MYO16: variants seen among roughly 807,000 people sequenced by gnomAD.
The protein encoded by MYO16 is unconventional myosin-XVI.
In MYO16, 94 loss-of-function variants were observed where a neutral mutation model predicts 205.3. The observed-to-expected ratio is 0.46, with a 90% CI of 0.39 to 0.54. The LOEUF (loss-of-function observed/expected upper bound fraction) is 0.54. MYO16 is among the 20% of genes least tolerant of loss of function. The probability of loss-of-function intolerance (pLI) is 0.00; values close to 1 mark genes in which losing one functional copy is unlikely to be tolerated. For missense variants in MYO16, 2,315 were observed against 2,387.5 expected, an observed-to-expected ratio of 0.97 and a Z score of 0.63; for synonymous variants, 988 against 954.0, an observed-to-expected ratio of 1.04 and a Z score of -0.66.
intron 9 of MYO16, among the ~76,000 whole-genome samples, chr13:108,838,729 CTATA>C (rs1188958096): frequency 1.0e-4 from 14 of 135,550 alleles, no homozygotes; most frequent in African/African-American, 3.9e-4. Context: ...TACACGCACA[CTATA>C]TATATACACT....
At chr13:109,020,224 A>G (rs1885975468) in intron 23 of MYO16, among the ~76,000 whole-genome samples, 3 of 152,208 alleles carry the variant, frequency 2.0e-5, no homozygotes, top group African/African-American at 7.2e-5. Flanking sequence ...CATAATACAG[A>G]TGAACATTGG....
chr13:108,576,924 C>T, the MYO16 span, among the ~76,000 whole-genome samples: 1 of 152,122 alleles, frequency 6.6e-6, no homozygotes, highest in African/African-American at 2.4e-5. Flanking sequence ...CCACATCTGG[C>T]TAATTTTAAA....
intron 3 of MYO16, among the ~76,000 whole-genome samples, chr13:108,722,152 T>A (rs774892446): frequency 1.2e-4 from 19 of 152,144 alleles, no homozygotes; most frequent in Non-Finnish European, 2.4e-4. Flanking sequence ...CAGCAGGAGC[T>A]TGGGGACCTG....
intron 22 of MYO16, among the ~76,000 whole-genome samples, chr13:109,013,538 C>T (rs1885693328): frequency 6.6e-6 from 1 of 152,160 alleles, no homozygotes; most frequent in Admixed American, 6.5e-5. Flanking sequence ...GAGGGATCAC[C>T]ACACTGTCTT....
At chr13:108,573,145 T>A in the MYO16 span, among the ~76,000 whole-genome samples, 1 of 152,146 alleles carries the variant, frequency 6.6e-6, no homozygotes, top group Admixed American at 6.5e-5. Context: ...CACGGCCAAG[T>A]GTAAAACGCC....
chr13:109,175,840 C>T (rs1280526819), intron 33 of MYO16, among the ~76,000 whole-genome samples: 1 of 151,178 alleles, frequency 6.6e-6, no homozygotes, highest in African/African-American at 2.5e-5. Flanking sequence ...GGAGTCTTCA[C>T]CCTGGTTAAA....
chr13:108,853,954 T>TTGTGGGTG (rs1555305769), intron 10 of MYO16, among the ~76,000 whole-genome samples: 14 of 138,498 alleles, frequency 1.0e-4, no homozygotes, highest in African/African-American at 3.7e-4. Flanking sequence ...GTTTCTATTA[T>TTGTGGGTG]TGTGTGTGTG....
chr13:108,860,416 G>A (rs955314861), intron 11 of MYO16, among the ~76,000 whole-genome samples: 1 of 152,056 alleles, frequency 6.6e-6, no homozygotes, highest in Non-Finnish European at 1.5e-5. Flanking sequence ...GTCATTTATG[G>A]GCATTGAAAT....
At chr13:108,798,593 T>A (rs1886862101) in intron 6 of MYO16, among the ~76,000 whole-genome samples, 1 of 152,020 alleles carries the variant, frequency 6.6e-6, no homozygotes, top group South Asian at 2.1e-4. Context: ...AAAATATTAA[T>A]GCGATAACTG....
At chr13:108,940,279 T>C (rs1400699491) in intron 16 of MYO16, among the ~76,000 whole-genome samples, 1 of 152,154 alleles carries the variant, frequency 6.6e-6, no homozygotes, top group African/African-American at 2.4e-5. Context: ...TATTTTGGCC[T>C]ATGTTGCCCA....
intron 4 of MYO16, among the ~76,000 whole-genome samples, chr13:108,751,661 A>C (rs1885242200): frequency 6.6e-6 from 1 of 152,136 alleles, no homozygotes; most frequent in Admixed American, 6.6e-5. Flanking sequence ...TACGTCAGTC[A>C]AGTCTCAAGA....
intron 2 of MYO16, among the ~76,000 whole-genome samples, chr13:108,683,154 A>G (rs1248266022): frequency 6.6e-6 from 1 of 152,172 alleles, no homozygotes; most frequent in East Asian, 1.9e-4. Flanking sequence ...TCTCTTCTGT[A>G]CGCCTACAGG....
intron 4 of MYO16, among the ~76,000 whole-genome samples, chr13:108,765,813 T>C (rs913052367): frequency 1.3e-5 from 2 of 152,176 alleles, no homozygotes; most frequent in African/African-American, 2.4e-5. Flanking sequence ...GTTTTGTTAT[T>C]TCGTGTGGCA....
At chr13:109,107,720 G>T (rs1244288797) in intron 28 of MYO16, among the ~76,000 whole-genome samples, 1 of 151,052 alleles carries the variant, frequency 6.6e-6, no homozygotes, top group African/African-American at 2.4e-5. Flanking sequence ...TCCTTCTCTG[G>T]AATTATAAAT....
intron 1 of MYO16, among the ~76,000 whole-genome samples, chr13:108,608,568 TACAC>T (rs1187844522): frequency 2.0e-5 from 3 of 152,102 alleles, no homozygotes; most frequent in Non-Finnish European, 2.9e-5. Context: ...ACATAATAAA[TACAC>T]ACACGCATAC....
intron 20 of MYO16, among the ~76,000 whole-genome samples, chr13:108,965,764 C>T (rs2139376363): frequency 6.6e-6 from 1 of 152,258 alleles, no homozygotes; most frequent in East Asian, 1.9e-4. Flanking sequence ...AATTATATCT[C>T]TCCATTACAT....
At chr13:108,794,761 G>C (rs1269473509) in intron 6 of MYO16, among the ~76,000 whole-genome samples, 1 of 152,024 alleles carries the variant, frequency 6.6e-6, no homozygotes, top group Non-Finnish European at 1.5e-5. Context: ...TAAGACCCAG[G>C]GGAAAAAAAT....
At chr13:108,505,719 G>T in the MYO16 span, among the ~76,000 whole-genome samples, 2 of 151,748 alleles carry the variant, frequency 1.3e-5, no homozygotes, top group Non-Finnish European at 2.9e-5. Flanking sequence ...CTGTGCTTTT[G>T]GTGTCATCAA....
At chr13:108,553,253 A>T in the MYO16 span, among the ~76,000 whole-genome samples, 2 of 151,728 alleles carry the variant, frequency 1.3e-5, no homozygotes, top group Non-Finnish European at 2.9e-5. Flanking sequence ...AACCTCCCAA[A>T]GTGCTGGGAT....
Sources: gnomAD v4.1 joint callset for allele counts (sites outside exome capture counted in the v4.1 genomes callset) on GRCh38, gnomAD v4.1.1 for gene constraint, MANE v1.5 for transcripts, NCBI Gene and HGNC (gene_info 2026-07-23, HGNC 2026-07-21) for gene names.